Variants in ZFHX3 observed in about 807,000 individuals in gnomAD.
ZFHX3 encodes zinc finger homeobox 3, also known as zinc finger homeobox protein 3.
A neutral mutation model predicts 279.1 loss-of-function variants in ZFHX3; 42 were observed. That is an observed-to-expected ratio of 0.15 (90% CI 0.12 to 0.19). The LOEUF (loss-of-function observed/expected upper bound fraction) is 0.19. ZFHX3 is among the 10% of genes least tolerant of loss of function. The pLI is 1.00. For missense variants in ZFHX3, 4,981 were observed against 4,754.0 expected, an observed-to-expected ratio of 1.05 and a Z score of -1.40; for synonymous variants, 2,293 against 1,957.8, an observed-to-expected ratio of 1.17 and a Z score of -4.52.
At chr16:73,054,762 G>C (rs1310786070) in intron 1 of ZFHX3, among the ~76,000 whole-genome samples, 1 of 151,986 alleles carries the variant, frequency 6.6e-6, no homozygotes, top group Non-Finnish European at 1.5e-5. Context: ...TAATTTAAAG[G>C]CATATATATA....
intron 2 of ZFHX3, among the ~76,000 whole-genome samples, chr16:73,534,873 A>G (rs2019867756): frequency 6.6e-6 from 1 of 152,134 alleles, no homozygotes; most frequent in Non-Finnish European, 1.5e-5. Flanking sequence ...GGTGGGTATA[A>G]TCCATCTCAC....
chr16:73,694,922 C>T (rs2053182678), intron 1 of ZFHX3, among the ~76,000 whole-genome samples: 1 of 152,198 alleles, frequency 6.6e-6, no homozygotes, highest in African/African-American at 2.4e-5. Context: ...ATGGAAAAAA[C>T]AGCCATGATT....
intron 3 of ZFHX3, among the ~76,000 whole-genome samples, chr16:72,949,313 G>T (rs1419599792): frequency 6.6e-6 from 1 of 152,190 alleles, no homozygotes; most frequent in African/African-American, 2.4e-5. Context: ...CAGTGTGAAA[G>T]GCAGGAGGAG....
intron 1 of ZFHX3, among the ~76,000 whole-genome samples, chr16:73,749,509 C>G (rs1251819448): frequency 6.6e-6 from 1 of 152,192 alleles, no homozygotes; most frequent in Non-Finnish European, 1.5e-5. Context: ...CTTTTGAAGG[C>G]AGAGTCCATA....
intron 1 of ZFHX3, among the ~76,000 whole-genome samples, chr16:73,685,577 G>C (rs555284644): frequency 6.6e-6 from 1 of 152,350 alleles, no homozygotes; most frequent in South Asian, 2.1e-4. Context: ...AGAATGGTAA[G>C]ATGATAGATT....
chr16:73,189,293 C>T (rs560989972), intron 5 of ZFHX3, among the ~76,000 whole-genome samples: 1 of 152,312 alleles, frequency 6.6e-6, no homozygotes, highest in Non-Finnish European at 1.5e-5. Context: ...TCCGGGCATG[C>T]CAAAGGCCAG....
chr16:73,725,425 G>A (rs1567562485), intron 1 of ZFHX3, among the ~76,000 whole-genome samples: 1 of 152,140 alleles, frequency 6.6e-6, no homozygotes, highest in Non-Finnish European at 1.5e-5. Context: ...CCCAGGAGAT[G>A]ATAAGCTTGG....
chr16:72,996,250 C>T (rs1320709108), intron 1 of ZFHX3, among the ~76,000 whole-genome samples: 3 of 152,186 alleles, frequency 2.0e-5, no homozygotes, highest in African/African-American at 7.2e-5. Flanking sequence ...TGCCACTGCA[C>T]TCCAGCCTGG....
chr16:73,717,812 G>A (rs1372872735), intron 1 of ZFHX3, among the ~76,000 whole-genome samples: 1 of 152,098 alleles, frequency 6.6e-6, no homozygotes, highest in Admixed American at 6.6e-5. Flanking sequence ...AGATTTTTAC[G>A]AGACATTGTT....
chr16:73,740,179 G>T (rs1011572373), intron 1 of ZFHX3, among the ~76,000 whole-genome samples: 6 of 152,070 alleles, frequency 3.9e-5, no homozygotes, highest in African/African-American at 1.4e-4. Flanking sequence ...TAATATTGTG[G>T]CTGAGACTTT....
chr16:72,940,486 T>C (rs1960360939), intron 3 of ZFHX3, among the ~76,000 whole-genome samples: 1 of 151,880 alleles, frequency 6.6e-6, no homozygotes, highest in Non-Finnish European at 1.5e-5. Flanking sequence ...TTCTGTCTCA[T>C]TCTGAGGGGC....
At chr16:73,872,330 C>T (rs2029864143) in intron 1 of ZFHX3, among the ~76,000 whole-genome samples, 1 of 152,148 alleles carries the variant, frequency 6.6e-6, no homozygotes, top group South Asian at 2.1e-4. Context: ...CAGCCTCCAC[C>T]TCCCAGGCTC....
intron 1 of ZFHX3, among the ~76,000 whole-genome samples, chr16:73,009,188 C>T (rs527383203): frequency 6.6e-6 from 1 of 152,166 alleles, no homozygotes; most frequent in South Asian, 2.1e-4. Flanking sequence ...AACTCCCTTC[C>T]TTCCCACAAA....
intron 1 of ZFHX3, among the ~76,000 whole-genome samples, chr16:72,986,325 G>A (rs563009646): frequency 5.3e-5 from 8 of 152,250 alleles, no homozygotes; most frequent in African/African-American, 1.9e-4. Flanking sequence ...GATGGAGGGG[G>A]GCTGCTCAGG....
chr16:73,849,131 T>C (rs1017334979), intron 1 of ZFHX3, among the ~76,000 whole-genome samples: 15 of 152,224 alleles, frequency 9.9e-5, no homozygotes, highest in Non-Finnish European at 1.5e-5. Flanking sequence ...GACAATCACC[T>C]TCCTTGCTTT....
chr16:73,590,761 C>G (rs2051986177), intron 2 of ZFHX3, among the ~76,000 whole-genome samples: 1 of 152,150 alleles, frequency 6.6e-6, no homozygotes, highest in Admixed American at 6.5e-5. Flanking sequence ...GAAGGCACAT[C>G]ATAGGATATT....
chr16:72,870,073 G>C (rs550785477), intron 4 of ZFHX3, among the ~76,000 whole-genome samples: 6 of 152,278 alleles, frequency 3.9e-5, no homozygotes, highest in African/African-American at 1.4e-4. Context: ...AATATGTCAA[G>C]GTCATAAAAG....
intron 1 of ZFHX3, among the ~76,000 whole-genome samples, chr16:73,837,888 A>C (rs1221370901): frequency 6.6e-6 from 1 of 152,154 alleles, no homozygotes; most frequent in Non-Finnish European, 1.5e-5. Flanking sequence ...CACCCACCTC[A>C]GCCTCCCAAA....
chr16:73,412,275 C>T (rs1433180187), intron 3 of ZFHX3, among the ~76,000 whole-genome samples: 1 of 144,238 alleles, frequency 6.9e-6, no homozygotes, highest in African/African-American at 2.6e-5. Flanking sequence ...TACAGTGAGC[C>T]ATAATCACGC....
Sources: gnomAD v4.1 joint callset for allele counts (sites outside exome capture counted in the v4.1 genomes callset) on GRCh38, gnomAD v4.1.1 for gene constraint, MANE v1.5 for transcripts, NCBI Gene and HGNC (gene_info 2026-07-23, HGNC 2026-07-21) for gene names.